The following ZNF569 variants were observed in gnomAD, a reference collection of about 807,000 sequenced individuals.
ZNF569 encodes the protein DNA-binding protein.
ZNF569 carries 38 observed loss-of-function variants against 56.3 expected under a neutral mutation model. The ratio of observed to expected loss-of-function variants is 0.68; its 90% CI spans 0.52 to 0.88. ZNF569 has a LOEUF of 0.88. Among genes scored for constraint, ZNF569 ranks in the 40% least tolerant of loss-of-function variants. The pLI is 0.00. For synonymous variants in ZNF569, 241 were observed against 262.9 expected, an observed-to-expected ratio of 0.92 and a Z score of 0.81; for missense variants, 666 against 809.2, an observed-to-expected ratio of 0.82 and a Z score of 2.15.
At chr19:37,448,776 G>A (rs1005627886) in intron 2 of ZNF569, among the ~76,000 whole-genome samples, 4 of 151,720 alleles carry the variant, frequency 2.6e-5, no homozygotes, top group African/African-American at 9.7e-5. Context: ...TGTTAGCCAG[G>A]ATGGTCTCGA....
intron 5 of ZNF569, among the ~76,000 whole-genome samples, chr19:37,422,974 G>A (rs964238659): frequency 2.0e-5 from 3 of 152,020 alleles, no homozygotes; most frequent in African/African-American, 7.2e-5. Flanking sequence ...TAAAATCAGA[G>A]AACACTACAA....
At chr19:37,425,587 C>G (rs1404086821) in intron 5 of ZNF569, 1 of 199,124 alleles carries the variant, frequency 5.0e-6, no homozygotes, top group Non-Finnish European at 1.0e-5. Flanking sequence ...TCCTAAAGTG[C>G]AGGGATTACA....
intron 5 of ZNF569, among the ~76,000 whole-genome samples, chr19:37,422,835 G>A (rs1205344333): frequency 6.6e-6 from 1 of 152,116 alleles, no homozygotes; most frequent in Admixed American, 6.5e-5. Context: ...GCAAAACAAG[G>A]TAATGGATAA....
At chr19:37,451,284 C>G (rs1057319907) in intron 2 of ZNF569, among the ~76,000 whole-genome samples, 3 of 151,506 alleles carry the variant, frequency 2.0e-5, no homozygotes, top group Non-Finnish European at 2.9e-5. Flanking sequence ...CCTGTAATCT[C>G]AGCTACTCGG....
chr19:37,440,574 T>A (rs1215597675), intron 3 of ZNF569, among the ~76,000 whole-genome samples: 1 of 152,166 alleles, frequency 6.6e-6, no homozygotes, highest in Non-Finnish European at 1.5e-5. Context: ...AATATGTATG[T>A]GAATTTCAGG....
chr19:37,469,151 C>T (rs2041906780), upstream of ZNF569: 3 of 1,130,656 alleles, frequency 2.7e-6, no homozygotes, highest in Admixed American at 4.5e-5. Context: ...GACTTTCGGG[C>T]TCTCTGGAAG....
At chr19:37,416,467 C>T (rs1157757778) in intron 5 of ZNF569, among the ~76,000 whole-genome samples, 1 of 152,046 alleles carries the variant, frequency 6.6e-6, no homozygotes, top group Non-Finnish European at 1.5e-5. Flanking sequence ...GGTTCCAGGA[C>T]CTCCCGTGGA....
chr19:37,436,770 T>A (rs1391400973), intron 3 of ZNF569, among the ~76,000 whole-genome samples: 3 of 151,824 alleles, frequency 2.0e-5, no homozygotes, highest in African/African-American at 7.3e-5. Flanking sequence ...GATTGAACCA[T>A]GAAGAAATCC....
intron 3 of ZNF569, among the ~76,000 whole-genome samples, chr19:37,437,567 T>C (rs1296009582): frequency 2.6e-5 from 4 of 152,190 alleles, no homozygotes; most frequent in Non-Finnish European, 4.4e-5. Flanking sequence ...TATGATCTTC[T>C]GTTTGAAAAA....
intron 5 of ZNF569, 89 bp downstream of exon 5, chr19:37,425,779 G>T: frequency 1.8e-6 from 2 of 1,098,316 alleles, no homozygotes; most frequent in Non-Finnish European, 1.4e-6. Context: ...AAATATCTTT[G>T]AAGAATATTT....
chr19:37,418,609 A>C (rs1319626278), intron 5 of ZNF569, among the ~76,000 whole-genome samples: 2 of 152,138 alleles, frequency 1.3e-5, no homozygotes, highest in Non-Finnish European at 2.9e-5. Flanking sequence ...TAACTAAAGA[A>C]AGGCTGAGAA....
intron 5 of ZNF569, among the ~76,000 whole-genome samples, chr19:37,422,418 C>G (rs996954783): frequency 6.6e-6 from 1 of 152,086 alleles, no homozygotes; most frequent in Non-Finnish European, 1.5e-5. Flanking sequence ...ACAATGACAA[C>G]AGTAACATCA....
chr19:37,447,688 T>C (rs1280723574), intron 2 of ZNF569, among the ~76,000 whole-genome samples: 1 of 151,876 alleles, frequency 6.6e-6, no homozygotes, highest in Non-Finnish European at 1.5e-5. Flanking sequence ...GTCTTAGAGA[T>C]AAAGCATTCA....
intron 5 of ZNF569, among the ~76,000 whole-genome samples, chr19:37,421,775 G>A (rs1435435888): frequency 1.4e-5 from 2 of 138,102 alleles, no homozygotes; most frequent in South Asian, 2.3e-4. Context: ...TTTGAGACAG[G>A]GTCTTGCTCT....
intron 2 of ZNF569, among the ~76,000 whole-genome samples, chr19:37,464,545 A>G (rs2041803049): frequency 6.6e-6 from 1 of 152,150 alleles, no homozygotes; most frequent in Non-Finnish European, 1.5e-5. Flanking sequence ...TTAGATACAC[A>G]AAGTCTTACT....
At chr19:37,420,460 A>C (rs2041016096) in intron 5 of ZNF569, among the ~76,000 whole-genome samples, 1 of 152,178 alleles carries the variant, frequency 6.6e-6, no homozygotes, top group Non-Finnish European at 1.5e-5. Flanking sequence ...TATTTATGGA[A>C]TATTCTAAAT....
chr19:37,417,906 G>A (rs1052740903), intron 5 of ZNF569, among the ~76,000 whole-genome samples: 5 of 151,976 alleles, frequency 3.3e-5, no homozygotes, highest in African/African-American at 9.7e-5. Flanking sequence ...TAAGAGACTA[G>A]CCTGGCCAAC....
chr19:37,434,372 A>C (rs964866583), intron 3 of ZNF569, among the ~76,000 whole-genome samples: 40 of 152,226 alleles, frequency 2.6e-4, no homozygotes, highest in Admixed American at 1.2e-3. Flanking sequence ...CAATGTTTCA[A>C]GACACAGTAC....
At chr19:37,420,390 T>G (rs1353362865) in intron 5 of ZNF569, among the ~76,000 whole-genome samples, 1 of 152,186 alleles carries the variant, frequency 6.6e-6, no homozygotes, top group East Asian at 1.9e-4. Context: ...TTACCCACAG[T>G]AGGACTTCTT....
Sources: gnomAD v4.1 joint callset for allele counts (sites outside exome capture counted in the v4.1 genomes callset) on GRCh38, gnomAD v4.1.1 for gene constraint, MANE v1.5 for transcripts, NCBI Gene and HGNC (gene_info 2026-07-23, HGNC 2026-07-21) for gene names.